CDH13: variants seen among roughly 807,000 people sequenced by gnomAD.
The protein encoded by CDH13 is cadherin-13.
A neutral mutation model predicts 63.8 loss-of-function variants in CDH13; 24 were observed. That is an observed-to-expected ratio of 0.38 (90% CI 0.27 to 0.53). The LOEUF (loss-of-function observed/expected upper bound fraction) is 0.53. CDH13 is among the 20% of genes least tolerant of loss of function. The pLI is 0.85. For missense variants in CDH13, 1,049 were observed against 903.1 expected (o/e 1.16, Z -2.07); for synonymous variants, 503 against 355.3 (o/e 1.42, Z -4.67).
At chr16:83,156,487 A>G (rs1444966447) in intron 4 of CDH13, among the ~76,000 whole-genome samples, 1 of 152,182 alleles carries the variant, frequency 6.6e-6, no homozygotes, top group Non-Finnish European at 1.5e-5. Context: ...CATTTCCTTT[A>G]GGGGAGTGAT....
At chr16:83,414,602 C>G (rs1397695249) in intron 6 of CDH13, among the ~76,000 whole-genome samples, 2 of 152,136 alleles carry the variant, frequency 1.3e-5, no homozygotes, top group African/African-American at 4.8e-5. Flanking sequence ...CTGACAGACA[C>G]CAATTCAGTC....
chr16:82,718,973 G>T (rs577797882), intron 1 of CDH13, among the ~76,000 whole-genome samples: 2 of 152,272 alleles, frequency 1.3e-5, no homozygotes, highest in South Asian at 4.1e-4. Flanking sequence ...CATGTGGTCC[G>T]TATCTGTTCT....
At chr16:83,028,837 T>C (rs1299988049) in intron 2 of CDH13, among the ~76,000 whole-genome samples, 1 of 152,132 alleles carries the variant, frequency 6.6e-6, no homozygotes, top group Non-Finnish European at 1.5e-5. Context: ...GCCATGGAGA[T>C]GGGGGAACTA....
At chr16:82,795,399 A>C (rs1294793775) in intron 1 of CDH13, among the ~76,000 whole-genome samples, 1 of 152,204 alleles carries the variant, frequency 6.6e-6, no homozygotes, top group Non-Finnish European at 1.5e-5. Flanking sequence ...TTCAAAAGGC[A>C]GTCAGCCAAT....
chr16:83,513,691 G>A (rs2074629200), intron 7 of CDH13, among the ~76,000 whole-genome samples: 1 of 152,176 alleles, frequency 6.6e-6, no homozygotes, highest in South Asian at 2.1e-4. Context: ...ACAGCATGAG[G>A]GTAACTGCCA....
At chr16:83,444,656 T>C (rs975977530) in intron 6 of CDH13, among the ~76,000 whole-genome samples, 2 of 152,228 alleles carry the variant, frequency 1.3e-5, no homozygotes, top group Non-Finnish European at 2.9e-5. Flanking sequence ...CCGGTGATGC[T>C]GTTTTTAATA....
intron 7 of CDH13, among the ~76,000 whole-genome samples, chr16:83,596,584 G>T (rs1475729062): frequency 6.6e-6 from 1 of 152,160 alleles, no homozygotes; most frequent in Admixed American, 6.5e-5. Flanking sequence ...AGAGTGGCCA[G>T]CGAGGGATAC....
intron 7 of CDH13, among the ~76,000 whole-genome samples, chr16:83,520,671 T>C (rs1232594249): frequency 6.6e-6 from 1 of 152,204 alleles, no homozygotes; most frequent in Non-Finnish European, 1.5e-5. Flanking sequence ...GATTACAGCT[T>C]CTCAGCCTGG....
At position 83,797,204 on chromosome 16, in the gene CDH13, T is replaced by G. The variant is rs529244118; in HGVS notation, c.*2174T>G. The stretch of plus-strand genomic sequence containing the variant: ...CAGGCGGCTGGTAGCCGGACACATA[T>G]GCTAACTGGCAATCAGGAAGTCACC... On this transcript the variant is annotated 3_prime_UTR_variant, in exon 14 of 14. Coordinates refer to ENST00000567109, the MANE Select transcript of CDH13 (RefSeq NM_001257.5). 1.3e-5 allele frequency: 2 copies of G among 152,254 alleles called. No individual in the cohort carries two copies. The highest frequency in any genetic ancestry group is 4.8e-5 in the African/African-American group (2 of 41,462). 9.4% of individuals were successfully genotyped at this position (152,254 alleles called of 1,614,324 possible).
intron 10 of CDH13, among the ~76,000 whole-genome samples, chr16:83,679,681 A>G (rs1207254272): frequency 6.6e-6 from 1 of 152,222 alleles, no homozygotes; most frequent in African/African-American, 2.4e-5. Context: ...CATCAAAGAG[A>G]GAGTCTTTCT....
chr16:83,323,705 C>T (rs1459855065), intron 5 of CDH13, among the ~76,000 whole-genome samples: 1 of 152,178 alleles, frequency 6.6e-6, no homozygotes, highest in South Asian at 2.1e-4. Flanking sequence ...GTTTTCTTCA[C>T]CACTATTCCA....
chr16:83,392,559 G>A lies in CDH13; in HGVS notation c.781+47553G>A, dbSNP rs371129629. On this transcript the variant is annotated intron_variant, in intron 6 of 13. Transcript: ENST00000567109. ...ACCACTCACAGTAAGAACATCACAC[G>A]AATGAATATTCCACCTGTCTTAGGT... 7.9e-5 allele frequency among the ~76,000 whole-genome samples: 12 copies of A among 152,228 alleles called. 1 individual carries two copies. The South Asian group carries it at 1.7e-3, about 21-fold the overall frequency.
At chr16:82,820,942 G>A (rs2037976067) in intron 1 of CDH13, among the ~76,000 whole-genome samples, 1 of 152,130 alleles carries the variant, frequency 6.6e-6, no homozygotes, top group Admixed American at 6.5e-5. Context: ...GTAAGTCTGT[G>A]GGACCTGCCT....
Position 83,045,942 on chromosome 16 carries a change from C to G in CDH13, c.366+13724C>G, listed in dbSNP as rs190807418. Among the ~76,000 whole-genome samples, 294 of 152,280 alleles carry G rather than the reference C, an allele frequency of 1.9e-3. 1 individual carries two copies. The highest frequency in any genetic ancestry group is 0.017 in the Middle Eastern group (5 of 294). On this transcript the variant is annotated intron_variant, in intron 3 of 13. Coordinates refer to ENST00000567109, the MANE Select transcript of CDH13 (RefSeq NM_001257.5). ...TAGCCAAATACATCCTCCAGTCTAC[C>G]CATGTTGGGCAGATGCCTGTGGACT...
At chr16:83,211,761 C>A (rs1472104176) in intron 4 of CDH13, among the ~76,000 whole-genome samples, 1 of 152,088 alleles carries the variant, frequency 6.6e-6, no homozygotes, top group African/African-American at 2.4e-5. Flanking sequence ...CCCACCTCCC[C>A]CCCCCAAACA....
At chr16:82,776,611 G>T (rs1169514287) in intron 1 of CDH13, among the ~76,000 whole-genome samples, 1 of 152,190 alleles carries the variant, frequency 6.6e-6, no homozygotes, top group East Asian at 1.9e-4. Flanking sequence ...GGAAGTGCTG[G>T]TTTTAACTGA....
At chr16:83,381,635 C>G (rs1157412145) in intron 6 of CDH13, among the ~76,000 whole-genome samples, 3 of 151,928 alleles carry the variant, frequency 2.0e-5, no homozygotes, top group Non-Finnish European at 2.9e-5. Flanking sequence ...ACCACTCTCA[C>G]CTAAAAAAGC....
chr16:83,785,395 G>A (rs536375286), intron 13 of CDH13, among the ~76,000 whole-genome samples: 25 of 152,230 alleles, frequency 1.6e-4, no homozygotes, highest in African/African-American at 5.3e-4. Context: ...CCATCCATGA[G>A]GACACTGACT....
chr16:83,282,146 C>G (rs1258761841), intron 5 of CDH13, among the ~76,000 whole-genome samples: 6 of 152,088 alleles, frequency 3.9e-5, no homozygotes, highest in Admixed American at 3.9e-4. Flanking sequence ...CCACATTTAT[C>G]AATTACATTT....
Sources: gnomAD v4.1 joint callset for allele counts (sites outside exome capture counted in the v4.1 genomes callset) on GRCh38, gnomAD v4.1.1 for gene constraint, MANE v1.5 for transcripts, NCBI Gene and HGNC (gene_info 2026-07-23, HGNC 2026-07-21) for gene names.